SDAD1: variants seen among roughly 807,000 people sequenced by gnomAD.
SDAD1 encodes the protein protein SDA1 homolog.
Under a neutral mutation model 100.3 loss-of-function variants are expected in SDAD1, and 79 were observed. That is an observed-to-expected ratio of 0.79 (90% CI 0.66 to 0.95). The LOEUF (loss-of-function observed/expected upper bound fraction) is 0.95, where lower values mean the gene tolerates loss of function less well. SDAD1 is among the 40% of genes least tolerant of loss of function. The pLI, the probability that SDAD1 is intolerant of heterozygous loss-of-function variation, is 0.00. For missense variants in SDAD1, 790 were observed against 810.9 expected (o/e 0.97, Z 0.31); for synonymous variants, 267 against 271.4 (o/e 0.98, Z 0.16).
At position 75,964,134 on chromosome 4, in the gene SDAD1, C is replaced by T; in HGVS notation, c.1181+1G>A. The T allele has an allele frequency of 6.2e-7, 1 of 1,601,586 alleles. No homozygotes were observed. The highest frequency in any genetic ancestry group is 8.5e-7 in the Non-Finnish European group (1 of 1,170,278). On this transcript the variant is annotated splice_donor_variant, in intron 14 of 21. Coordinates refer to ENST00000356260, the MANE Select transcript of SDAD1 (RefSeq NM_018115.4). LOFTEE classifies it high-confidence loss of function. ...TCTGCCTCCAACCAGATTCTACATA[C>T]CCTACTGTCATGACTTCTCCAGAGT...
In SDAD1 at chr4:75,974,059, G is replaced by T; in HGVS notation, c.636+17C>A. 6.2e-7 allele frequency: 1 copy of T among 1,609,784 alleles called. No individual in the cohort carries two copies. The highest frequency in any genetic ancestry group is 8.5e-7 in the Non-Finnish European group (1 of 1,176,302). ...CATCCACAGACAGAGCTTACACACA[G>T]CCCTATAGGTGCTCACCTTGGTGAC... On this transcript the variant is annotated intron_variant, in intron 7 of 21. Coordinates refer to ENST00000356260, the MANE Select transcript of SDAD1 (RefSeq NM_018115.4).
intron 6 of SDAD1, among the ~76,000 whole-genome samples, chr4:75,974,565 A>C (rs1264176632): frequency 1.3e-5 from 2 of 151,996 alleles, no homozygotes; most frequent in African/African-American, 2.4e-5. Flanking sequence ...AAAATACAAA[A>C]AATTAGCTGG....
chr4:75,955,998 T>C lies in SDAD1; in HGVS notation c.1993A>G (p.Lys665Glu). ...RYSQNVRSKN[K>E]RSFREKQLAL... is the part of the protein sequence containing the mutation. ...ACCTGTTTTTCTCGGAAGGAACGCT[T>C]ATTTTTTGACCGGACATTCTGGCTA... The change falls in exon 21 of 22, where the codon AAG (lysine) becomes GAG (glutamate). Residue 665 changes from lysine to glutamate, a missense_variant. By Grantham distance (56) the Lys-to-Glu change is moderately conservative. Coordinates refer to ENST00000356260, the MANE Select transcript of SDAD1 (RefSeq NM_018115.4). 6.2e-7 allele frequency: 1 copy of C among 1,601,328 alleles called. No individual in the cohort carries two copies. The highest frequency in any genetic ancestry group is 8.5e-7 in the Non-Finnish European group (1 of 1,177,236).
chr4:75,959,128 A>AAAAAC (rs1729086846), intron 17 of SDAD1, among the ~76,000 whole-genome samples: 2 of 134,564 alleles, frequency 1.5e-5, no homozygotes, highest in Admixed American at 7.7e-5. Context: ...AAAAAAAAAA[A>AAAAAC]CCTAAAAAAA....
chr4:75,987,815 T>C (rs915364434), intron 1 of SDAD1, among the ~76,000 whole-genome samples: 1 of 152,192 alleles, frequency 6.6e-6, no homozygotes, highest in East Asian at 1.9e-4. Flanking sequence ...TGTTGCTAAA[T>C]TTAATGGTGG....
chr4:75,963,062 T>C (rs1420698360), intron 14 of SDAD1, among the ~76,000 whole-genome samples: 1 of 152,224 alleles, frequency 6.6e-6, no homozygotes, highest in Non-Finnish European at 1.5e-5. Flanking sequence ...CTTGAATTAA[T>C]TTTTGTATAA....
In SDAD1 at chr4:75,972,003, A is replaced by G. The variant is rs1397601256; in HGVS notation, c.712-545T>C. Among the ~76,000 whole-genome samples, 5 of 150,922 alleles carry G rather than the reference A, an allele frequency of 3.3e-5. No homozygotes were observed. In the East Asian group the frequency reaches 9.7e-4, roughly 29 times the overall value. On this transcript the variant is annotated intron_variant, in intron 8 of 21. Transcript: ENST00000356260. ...ACCCAGGCTGGAGAGTTATGGCACA[A>G]TCTCAGCTCACTACAACCTCCACCT... is the stretch of plus-strand genomic sequence containing the variant.
intron 1 of SDAD1, among the ~76,000 whole-genome samples, chr4:75,987,571 G>A (rs557173925): frequency 1.3e-5 from 2 of 152,012 alleles, no homozygotes; most frequent in African/African-American, 2.4e-5. Flanking sequence ...GCGCGATCTC[G>A]GCTCACTGCA....
At position 75,971,475 on chromosome 4, in the gene SDAD1, T is replaced by C. The variant is rs758138100; in HGVS notation, c.712-17A>G. The C allele has an allele frequency of 6.4e-7, 1 of 1,574,090 alleles. No individual in the cohort carries two copies. Among genetic ancestry groups the C allele is most frequent in the Non-Finnish European group, 8.7e-7 (1 of 1,145,858 alleles). On this transcript the variant is annotated splice_polypyrimidine_tract_variant and intron_variant, in intron 8 of 21. Transcript: ENST00000356260. ...TCCATCATCCTAAAGAAGAAATTAC[T>C]TTGTAAAATTGTAAACAAGGAAAAT...
At chr4:75,963,505 T>C (rs1729367762) in intron 14 of SDAD1, among the ~76,000 whole-genome samples, 1 of 152,224 alleles carries the variant, frequency 6.6e-6, no homozygotes, top group Non-Finnish European at 1.5e-5. Flanking sequence ...ATGATATTGA[T>C]TCTTCCTATC....
At chr4:75,959,128 A>AAAAAAAC (rs1729086846) in intron 17 of SDAD1, among the ~76,000 whole-genome samples, 1 of 134,478 alleles carries the variant, frequency 7.4e-6, no homozygotes, top group African/African-American at 2.6e-5. Context: ...AAAAAAAAAA[A>AAAAAAAC]CCTAAAAAAA....
intron 1 of SDAD1, among the ~76,000 whole-genome samples, chr4:75,986,398 T>C (rs568474434): frequency 6.6e-6 from 1 of 152,280 alleles, no homozygotes; most frequent in South Asian, 2.1e-4. Flanking sequence ...CCAACCTCAC[T>C]TTTTCCCTGT....
chr4:75,953,335 A>T (rs1728716027), intron 21 of SDAD1, among the ~76,000 whole-genome samples: 1 of 152,210 alleles, frequency 6.6e-6, no homozygotes, highest in Non-Finnish European at 1.5e-5. Flanking sequence ...CCCTAACTAA[A>T]ATATAACAAG....
intron 6 of SDAD1, among the ~76,000 whole-genome samples, chr4:75,974,813 G>A (rs181907535): frequency 6.6e-5 from 10 of 152,228 alleles, no homozygotes; most frequent in Admixed American, 2.0e-4. Flanking sequence ...AGGCCGAAGC[G>A]GGTGGATCAC....
In SDAD1 at chr4:75,950,613, G is replaced by A; in HGVS notation, c.*137C>T. 3.9e-6 allele frequency: 2 copies of A among 507,634 alleles called. No homozygotes were observed. The highest frequency in any genetic ancestry group is 3.5e-6 in the Non-Finnish European group (1 of 282,316). 31.4% of individuals were successfully genotyped at this position (507,634 alleles called of 1,614,324 possible). The stretch of plus-strand genomic sequence containing the variant: ...GTCTCCAAAATAAAAACACAAAATT[G>A]CTGCCACATGTTCAGCAGTTTTCAC... On this transcript the variant is annotated 3_prime_UTR_variant, in exon 22 of 22. Coordinates refer to ENST00000356260, the MANE Select transcript of SDAD1 (RefSeq NM_018115.4).
chr4:75,974,169 T>C (rs941714802), intron 6 of SDAD1, 36 bp from the exon 7 acceptor site: 1 of 1,549,414 alleles, frequency 6.5e-7, no homozygotes, highest in Middle Eastern at 1.7e-4. Context: ...AAGTAAATTT[T>C]CATTCTACTG....
chr4:75,967,757 T>C (rs1729629054), intron 11 of SDAD1, among the ~76,000 whole-genome samples: 1 of 152,038 alleles, frequency 6.6e-6, no homozygotes, highest in Non-Finnish European at 1.5e-5. Flanking sequence ...CCGAGTATAA[T>C]TTAATCAGCA....
At chr4:75,968,636 G>A (rs2149318560) in intron 11 of SDAD1, among the ~76,000 whole-genome samples, 1 of 152,206 alleles carries the variant, frequency 6.6e-6, no homozygotes, top group East Asian at 1.9e-4. Context: ...AAGCCAAGAA[G>A]AGTTAAACAA....
At position 75,973,340 on chromosome 4, in the gene SDAD1, G is replaced by C. The variant is rs1422140101; in HGVS notation, c.688C>G (p.Gln230Glu). 12 of 1,613,512 alleles carry C rather than the reference G, an allele frequency of 7.4e-6. No individual in the cohort carries two copies. Among genetic ancestry groups the C allele is most frequent in the South Asian group, 2.2e-5 (2 of 91,072 alleles). ...ACCTCAGATTCGGAGTCACTGTCCT[G>C]TTTTTCATCTTCATCTTTCCCAAGA... is the stretch of plus-strand genomic sequence containing the variant. Reference protein sequence around the residue: ...FFLGKDEDEKQDSDSESEDDG... With the variant: ...FFLGKDEDEKEDSDSESEDDG... Residue 230 changes from glutamine to glutamate, a missense_variant, in exon 8 of 22, where the codon CAG becomes GAG. Coordinates refer to ENST00000356260, the MANE Select transcript of SDAD1 (RefSeq NM_018115.4).
Sources: gnomAD v4.1 joint callset for allele counts (sites outside exome capture counted in the v4.1 genomes callset) on GRCh38, gnomAD v4.1.1 for gene constraint, MANE v1.5 for transcripts, NCBI Gene and HGNC (gene_info 2026-07-23, HGNC 2026-07-21) for gene names.